FGF9: variants seen among roughly 807,000 people sequenced by gnomAD.
FGF9 encodes fibroblast growth factor 9 (glia-activating factor).
A neutral mutation model predicts 19.9 loss-of-function variants in FGF9; 3 were observed. The observed-to-expected ratio is 0.15, with a 90% confidence interval of 0.07 to 0.39. The LOEUF (loss-of-function observed/expected upper bound fraction) is 0.39, where lower values mean the gene tolerates loss of function less well. Among genes scored for constraint, FGF9 ranks in the 10% least tolerant of loss-of-function variants. The pLI, the probability that FGF9 is intolerant of heterozygous loss-of-function variation, is 1.00. For missense variants in FGF9, 175 were observed against 256.8 expected, an observed-to-expected ratio of 0.68 and a Z score of 2.18; for synonymous variants, 107 against 106.9, an observed-to-expected ratio of 1.00 and a Z score of -0.01.
chr13:21,675,432 G>A (rs1233395150), intron 1 of FGF9, among the ~76,000 whole-genome samples: 1 of 151,874 alleles, frequency 6.6e-6, no homozygotes, highest in Non-Finnish European at 1.5e-5. Flanking sequence ...CGCCCGGAAC[G>A]AGGCCGCGGC....
intron 2 of FGF9, among the ~76,000 whole-genome samples, chr13:21,683,671 C>T (rs549274263): frequency 4.6e-5 from 7 of 152,260 alleles, no homozygotes; most frequent in Admixed American, 3.3e-4. Flanking sequence ...CATCTTCTCT[C>T]GTGAAGAGTG....
In FGF9 at chr13:21,701,170, C is replaced by T. The variant is rs745885877; in HGVS notation, c.382-20C>T. ...CATTAGCTATTTTTCCTAATGCTCT[C>T]CCTCTTTTTCTTTTTACAGGAAAAA... On this transcript the variant is annotated intron_variant, in intron 2 of 2. Transcript: ENST00000382353. The T allele has an allele frequency of 1.2e-6, 2 of 1,609,532 alleles. No individual in the cohort carries two copies. Among genetic ancestry groups the T allele is most frequent in the East Asian group, 4.5e-5 (2 of 44,818 alleles).
In FGF9 at chr13:21,672,201, A is replaced by G; in HGVS notation, c.277+12A>G. On this transcript the variant is annotated intron_variant, in intron 1 of 2. Coordinates refer to ENST00000382353, the MANE Select transcript of FGF9 (RefSeq NM_002010.3). The surrounding 1 kb of genome is among the most constrained non-coding windows in gnomAD (Gnocchi z 4.2). ...CCACAGCCGATTTGGTAGGTATACCATTAACCCTTTAGTGTCCATGAGATG... is the reference window on the plus strand; with the variant it reads ...CCACAGCCGATTTGGTAGGTATACCGTTAACCCTTTAGTGTCCATGAGATG... 14 of 1,614,134 alleles carry G rather than the reference A, an allele frequency of 8.7e-6. No homozygotes were observed. Among genetic ancestry groups the G allele is most frequent in the Non-Finnish European group, 1.2e-5 (14 of 1,179,960 alleles).
chr13:21,685,976 G>A (rs938448036), intron 2 of FGF9, among the ~76,000 whole-genome samples: 6 of 152,148 alleles, frequency 3.9e-5, no homozygotes, highest in African/African-American at 1.4e-4. Flanking sequence ...GGTCACTTTT[G>A]TTCTTATCAG....
intron 2 of FGF9, among the ~76,000 whole-genome samples, chr13:21,690,465 C>T (rs935528651): frequency 1.3e-5 from 2 of 152,196 alleles, no homozygotes; most frequent in African/African-American, 4.8e-5. Context: ...TACTCATGCA[C>T]TACCTCACAA....
intron 2 of FGF9, among the ~76,000 whole-genome samples, chr13:21,692,044 A>C (rs1486825518): frequency 1.3e-5 from 2 of 151,750 alleles, no homozygotes; most frequent in Non-Finnish European, 2.9e-5. Flanking sequence ...TTTGTAATGA[A>C]GTGCCCAAAG....
intron 1 of FGF9, among the ~76,000 whole-genome samples, chr13:21,678,531 A>G (rs1014302990): frequency 2.0e-5 from 3 of 152,134 alleles, no homozygotes; most frequent in Non-Finnish European, 4.4e-5. Flanking sequence ...TACTATTACA[A>G]TTATCATTGC....
chr13:21,673,365 G>A (rs1871816814), intron 1 of FGF9, among the ~76,000 whole-genome samples: 1 of 152,076 alleles, frequency 6.6e-6, no homozygotes, highest in Non-Finnish European at 1.5e-5. Flanking sequence ...AAGGTGAGGA[G>A]GACTTAGGCC....
intron 2 of FGF9, among the ~76,000 whole-genome samples, chr13:21,697,331 A>T (rs1872431945): frequency 1.3e-5 from 2 of 152,002 alleles, no homozygotes; most frequent in Non-Finnish European, 2.9e-5. Flanking sequence ...TGTTTTGTAG[A>T]GATGGGGGTC....
chr13:21,697,553 A>G (rs1288654155), intron 2 of FGF9, among the ~76,000 whole-genome samples: 1 of 152,222 alleles, frequency 6.6e-6, no homozygotes, highest in Non-Finnish European at 1.5e-5. Flanking sequence ...GTTAACTGGC[A>G]GTGAAAAGGT....
intron 2 of FGF9, 162 bp downstream of exon 2, chr13:21,681,307 T>TA: frequency 1.7e-6 from 1 of 603,834 alleles, no homozygotes; most frequent in Non-Finnish European, 3.0e-6. Context: ...TATTAATAGA[T>TA]AAACAGCTCT....
rs1871798817 is a variant in FGF9, at chr13:21,672,760, G to A, written c.277+571G>A. On this transcript the variant is annotated intron_variant, in intron 1 of 2. Coordinates refer to ENST00000382353, the MANE Select transcript of FGF9 (RefSeq NM_002010.3). The surrounding 1 kb of genome is among the most constrained non-coding windows in gnomAD (Gnocchi z 4.2). ...TGGGAGGACTAAAGTCATATTTTAG[G>A]CTCCGTGAAAAGCAGGGGCAGAGGC... Among the ~76,000 whole-genome samples, 1 of 152,174 alleles carries A rather than the reference G, an allele frequency of 6.6e-6. No homozygotes were observed. The highest frequency in any genetic ancestry group is 2.4e-5 in the African/African-American group (1 of 41,444).
chr13:21,679,142 A>G (rs1407911561), intron 1 of FGF9, among the ~76,000 whole-genome samples: 1 of 152,230 alleles, frequency 6.6e-6, no homozygotes, highest in South Asian at 2.1e-4. Context: ...TCATAGAGTC[A>G]TAGATTATCA....
chr13:21,683,998 G>A (rs1305740789), intron 2 of FGF9, among the ~76,000 whole-genome samples: 1 of 152,218 alleles, frequency 6.6e-6, no homozygotes, highest in Non-Finnish European at 1.5e-5. Flanking sequence ...TATGCAACTC[G>A]AGTCTGTCTA....
intron 2 of FGF9, among the ~76,000 whole-genome samples, chr13:21,688,846 C>A (rs184253573): frequency 6.6e-6 from 1 of 150,838 alleles, no homozygotes; most frequent in African/African-American, 2.4e-5. Context: ...AGTGGACAAT[C>A]GTCTTTTAAA....
rs1314085775 is a variant in FGF9, at chr13:21,702,493, GC to G, written c.*1059del. The G allele has an allele frequency of 3.3e-5, 5 of 152,062 alleles. No homozygotes were observed. The highest frequency in any genetic ancestry group is 7.2e-5 in the African/African-American group (3 of 41,380). The allele number at this position is 152,062 out of a possible 1,614,324, so 9.4% of individuals were successfully genotyped here. A position where few individuals can be genotyped will look rare whatever the true frequency, so the allele number is the denominator to read the frequency against. On this transcript the variant is annotated 3_prime_UTR_variant, in exon 3 of 3. Transcript: ENST00000382353. ...TATGTCTTACTTGTTTAAATCTGTC[GC>G]AGAATATACCAAAGCTAAATAATAA...
chr13:21,695,077 TGTGTGC>T (rs1384156707), intron 2 of FGF9, among the ~76,000 whole-genome samples: 15 of 144,554 alleles, frequency 1.0e-4, no homozygotes, highest in African/African-American at 2.2e-4. Context: ...TGCGTGTGTG[TGTGTGC>T]GTGTGTGTGT....
At chr13:21,695,655 A>G (rs1158254611) in intron 2 of FGF9, among the ~76,000 whole-genome samples, 1 of 152,234 alleles carries the variant, frequency 6.6e-6, no homozygotes, top group Non-Finnish European at 1.5e-5. Flanking sequence ...AACAACTCCC[A>G]TTAAGGCTTT....
At chr13:21,687,237 G>A (rs1441827587) in intron 2 of FGF9, among the ~76,000 whole-genome samples, 1 of 152,156 alleles carries the variant, frequency 6.6e-6, no homozygotes, top group Non-Finnish European at 1.5e-5. Flanking sequence ...GTTCCATATT[G>A]TGGGGCAGGT....
Sources: gnomAD v4.1 joint callset for allele counts (sites outside exome capture counted in the v4.1 genomes callset) on GRCh38, gnomAD v4.1.1 for gene constraint, Gnocchi (gnomAD v3.1) non-coding constraint, MANE v1.5 for transcripts, NCBI Gene and HGNC (gene_info 2026-07-23, HGNC 2026-07-21) for gene names.